NXF1: variants seen among roughly 807,000 people sequenced by gnomAD.
NXF1 encodes the protein nuclear RNA export factor 1.
Under a neutral mutation model 92.4 loss-of-function variants are expected in NXF1, and 43 were observed. The ratio of observed to expected loss-of-function variants is 0.47; its 90% CI spans 0.36 to 0.60. The LOEUF is 0.60. NXF1 is among the 20% of genes least tolerant of loss of function. The pLI is 0.00. For missense variants in NXF1, 576 were observed against 793.0 expected (o/e 0.73, Z 3.29); for synonymous variants, 288 against 292.2 (o/e 0.99, Z 0.15).
At chr11:62,798,733 T>A in intron 10 of NXF1, 158 bp from the exon 11 acceptor site, 2 of 1,435,930 alleles carry the variant, frequency 1.4e-6, no homozygotes, top group Non-Finnish European at 1.8e-6. Flanking sequence ...TGGCCCCCAC[T>A]CCCCACCTGA....
rs2084445200 is a variant in NXF1, at chr11:62,798,524, A to G, written c.1053+15T>C. The G allele has an allele frequency of 2.5e-6, 4 of 1,614,028 alleles. No individual in the cohort carries two copies. Among genetic ancestry groups the G allele is most frequent in the Middle Eastern group, 3.3e-4 (2 of 6,056 alleles). On this transcript the variant is annotated intron_variant, in intron 11 of 20. Coordinates refer to ENST00000294172, the MANE Select transcript of NXF1 (RefSeq NM_006362.5). ...AGATGCTGTGCTTGTTAGAATGAAA[A>G]AATTATGGACTTACCAGGCGTAGTA... is the stretch of plus-strand genomic sequence containing the variant.
At chr11:62,795,975 C>T in intron 16 of NXF1, 32 bp from the exon 17 acceptor site, 2 of 1,613,716 alleles carry the variant, frequency 1.2e-6, no homozygotes, top group Non-Finnish European at 1.7e-6. Context: ...GTACAATGTA[C>T]ACTTCTCAGA....
Position 62,805,363 on chromosome 11 carries a change from G to T in NXF1, c.-7C>A, listed in dbSNP as rs762632441. On this transcript the variant is annotated 5_prime_UTR_variant, in exon 1 of 21. It adds an upstream start codon to the 5' untranslated region. Transcript: ENST00000294172. ...ACTTCCCCTCGTCCGCCATGCCACA[G>T]CGAAGATCAAGGGCGGGCTCAGGCG... is the stretch of plus-strand genomic sequence containing the variant. The T allele has an allele frequency of 6.8e-6, 11 of 1,611,484 alleles. No individual in the cohort carries two copies. Among genetic ancestry groups the T allele is most frequent in the Non-Finnish European group, 9.3e-6 (11 of 1,178,854 alleles).
rs1371307269 is a variant in NXF1 at position 62,805,365 on chromosome 11, G to A, written c.-9C>T. The A allele has an allele frequency of 2.5e-6, 4 of 1,611,300 alleles. No homozygotes were observed. The highest frequency in any genetic ancestry group is 1.1e-5 in the South Asian group (1 of 90,330). On this transcript the variant is annotated 5_prime_UTR_variant, in exon 1 of 21. Transcript: ENST00000294172. ...TTCCCCTCGTCCGCCATGCCACAGC[G>A]AAGATCAAGGGCGGGCTCAGGCGCT...
chr11:62,792,376 G>A lies in NXF1; in HGVS notation c.*100C>T. The A allele has an allele frequency of 7.0e-7, 1 of 1,438,744 alleles. No homozygotes were observed. Among genetic ancestry groups the A allele is most frequent in the Non-Finnish European group, 9.8e-7 (1 of 1,022,282 alleles). The allele number at this position is 1,438,744 out of a possible 1,614,324, so 89.1% of individuals were successfully genotyped here. Reference sequence around the variant, plus strand: ...CTCCCTCCCTCGGTCACAGTCACGGGGCGGCCTCGGGCCAGACAGGAGGAG... The same window carrying A: ...CTCCCTCCCTCGGTCACAGTCACGGAGCGGCCTCGGGCCAGACAGGAGGAG... On this transcript the variant is annotated 3_prime_UTR_variant, in exon 21 of 21. Transcript: ENST00000294172.
intron 17 of NXF1, chr11:62,795,287 C>A: frequency 3.2e-6 from 1 of 315,144 alleles, no homozygotes; most frequent in Non-Finnish European, 5.9e-6. Flanking sequence ...ACCATCCTGT[C>A]CAACATGGCG....
rs1005441206 is a variant in NXF1, at chr11:62,804,332, G to A, written c.29-354C>T. ...AGTACTTTGTCTATACAGTGCAGAC[G>A]CCAGTTACAAATATGACCAGTTTAA... On this transcript the variant is annotated intron_variant, in intron 1 of 20. Transcript: ENST00000294172. 4.1e-5 allele frequency: 24 copies of A among 586,176 alleles called. 1 individual carries two copies. The highest frequency in any genetic ancestry group is 5.9e-5 in the Non-Finnish European group (23 of 391,994). The allele number at this position is 586,176 out of a possible 1,614,324, so 36.3% of individuals were successfully genotyped here. A position where few individuals can be genotyped will look rare whatever the true frequency, so the allele number is the denominator to read the frequency against.
At chr11:62,792,552 C>A in intron 20 of NXF1, 38 bp from the exon 21 acceptor site, 1 of 1,614,110 alleles carries the variant, frequency 6.2e-7, no homozygotes, top group Non-Finnish European at 8.5e-7. Flanking sequence ...TAGGCCTACC[C>A]TCGCCACTCA....
chr11:62,803,928 C>T lies in NXF1; in HGVS notation c.79G>A (p.Gly27Ser). 6.2e-7 allele frequency: 1 copy of T among 1,614,152 alleles called. No individual in the cohort carries two copies. Among genetic ancestry groups the T allele is most frequent in the Non-Finnish European group, 8.5e-7 (1 of 1,180,018 alleles). Residue 27 changes from glycine to serine, a missense_variant, in exon 2 of 21, where the codon GGT (glycine) becomes AGT (serine). Around this residue, in one of 2 missense-constraint regions of NXF1, gnomAD observed 151 missense variants for 157.8 expected, o/e 0.96. Coordinates refer to ENST00000294172, the MANE Select transcript of NXF1 (RefSeq NM_006362.5). ...TCACCATATTTCCACCGGAAGGGAC[C>T]CCGGCCTTTCTTCTTTCTTTGAGGG... ...NFPQRKKKGR[G>S]PFRWKYGEGN...
intron 10 of NXF1, 106 bp from the exon 11 acceptor site, chr11:62,798,681 G>A (rs1481656476): frequency 6.4e-7 from 1 of 1,565,828 alleles, no homozygotes; most frequent in Non-Finnish European, 8.6e-7. Context: ...ATCCCATCCT[G>A]CTCATCCCTC....
At position 62,802,225 on chromosome 11, in the gene NXF1, G is replaced by A; in HGVS notation, c.405C>T (p.Leu135=). Residue 135 remains leucine (L), a synonymous_variant, in exon 4 of 21, where the codon CTC becomes CTT. Coordinates refer to ENST00000294172, the MANE Select transcript of NXF1 (RefSeq NM_006362.5). ...PYGRKYDKAW[L]LSMIQSKCSV... ...TGCACTTGCTCTGAATCATGCTCAGGAGCCATGCCTTGTCATACTTTCTGC... is the reference window on the plus strand; with the variant it reads ...TGCACTTGCTCTGAATCATGCTCAGAAGCCATGCCTTGTCATACTTTCTGC... 1 of 1,614,184 alleles carries A rather than the reference G, an allele frequency of 6.2e-7. No homozygotes were observed. The highest frequency in any genetic ancestry group is 1.1e-5 in the South Asian group (1 of 91,082).
intron 9 of NXF1, 103 bp downstream of exon 9, chr11:62,800,991 C>A: frequency 1.2e-6 from 1 of 847,080 alleles, no homozygotes. Flanking sequence ...CAAACCAGCA[C>A]ATCTGGCCTG....
chr11:62,800,965 G>A (rs2084472133), intron 9 of NXF1, 129 bp downstream of exon 9: 5 of 715,682 alleles, frequency 7.0e-6, no homozygotes, highest in Non-Finnish European at 1.2e-5. Context: ...CTCCCAAAGT[G>A]TTAGGATTAG....
rs751901445 is a variant in NXF1 at position 62,797,333 on chromosome 11, C to A, written c.1107G>T (p.Thr369=). 3.7e-6 allele frequency: 6 copies of A among 1,613,972 alleles called. No homozygotes were observed. In the African/African-American group the frequency reaches 6.7e-5, roughly 18 times the overall value. The stretch of plus-strand genomic sequence containing the variant: ...TGCTTCCTACCTTGCAGGGCGGTAA[C>A]GTCGTGGGGGCTTCAACATCAAAGG... ...PIAFDVEAPT[T]LPPCKGSYFG... The change falls in exon 12 of 21, where the codon ACG becomes ACT. Residue 369 remains threonine (T), a synonymous_variant. Transcript: ENST00000294172.
At chr11:62,798,512 G>C in intron 11 of NXF1, 27 bp downstream of exon 11, 1 of 1,613,826 alleles carries the variant, frequency 6.2e-7, no homozygotes, top group South Asian at 1.1e-5. Flanking sequence ...TGCTGTGCTT[G>C]TTAGAATGAA....
At chr11:62,798,282 G>A (rs558309870) in intron 11 of NXF1, among the ~76,000 whole-genome samples, 2 of 151,746 alleles carry the variant, frequency 1.3e-5, no homozygotes, top group East Asian at 1.9e-4. Context: ...ACAAAAATTA[G>A]CCAGGTGTGG....
At chr11:62,796,694 G>A (rs2084423809) in intron 13 of NXF1, 127 bp from the exon 14 acceptor site, 2 of 657,178 alleles carry the variant, frequency 3.0e-6, no homozygotes, top group Non-Finnish European at 5.4e-6. Flanking sequence ...CACTTTGGGA[G>A]GCTGAGATGG....
intron 10 of NXF1, 138 bp downstream of exon 10, chr11:62,800,239 G>A: frequency 6.8e-7 from 1 of 1,475,686 alleles, no homozygotes; most frequent in Non-Finnish European, 9.0e-7. Context: ...AAAGTGGGGA[G>A]CACGCGATCC....
chr11:62,799,109 A>T (rs2084451825), intron 10 of NXF1: 2 of 985,444 alleles, frequency 2.0e-6, no homozygotes, highest in Non-Finnish European at 2.4e-6. Flanking sequence ...AAAAGGCAAG[A>T]TGGGGCAGGG....
Sources: allele counts gnomAD v4.1 joint callset (sites outside exome capture counted in the v4.1 genomes callset), GRCh38; gene constraint gnomAD v4.1.1; regional missense constraint gnomAD v4.1.1; transcripts MANE v1.5; gene names NCBI Gene and HGNC (gene_info 2026-07-23, HGNC 2026-07-21).